The following AR variants were observed in gnomAD, a reference collection of about 807,000 sequenced individuals.
The protein encoded by AR is dihydrotestosterone receptor.
AR carries 8 observed loss-of-function variants against 53.9 expected under a neutral mutation model. That is an observed-to-expected ratio of 0.15 (90% CI 0.09 to 0.27). AR has a LOEUF of 0.27. Among genes scored for constraint, AR ranks in the 10% least tolerant of loss-of-function variants. The pLI is 1.00. For synonymous variants in AR, 359 were observed against 316.4 expected (o/e 1.13, Z -1.43); for missense variants, 639 against 742.5 (o/e 0.86, Z 1.62).
At chrX:67,687,152 C>A (rs1459063455) in intron 3 of AR, among the ~76,000 whole-genome samples, 2 of 111,753 alleles carry the variant, frequency 1.8e-5, no homozygotes, top group East Asian at 5.7e-4. Flanking sequence ...CCAACCCTCT[C>A]CCCTCTCCTC....
Position 67,721,070 on chromosome X carries a change from T to A in AR, c.2319-763T>A, listed in dbSNP as rs777472334. On this transcript the variant is annotated intron_variant, in intron 5 of 7. Coordinates refer to ENST00000374690, the MANE Select transcript of AR (RefSeq NM_000044.6). ...CCCATATAATTTATAGGTGATAATGTGGTGATCTGTTCAGAAGTGACTATA... is the reference window on the plus strand; with the variant it reads ...CCCATATAATTTATAGGTGATAATGAGGTGATCTGTTCAGAAGTGACTATA... 3.6e-5 allele frequency among the ~76,000 whole-genome samples: 4 copies of A among 111,648 alleles called. No homozygotes were observed. The East Asian group carries it at 1.1e-3, about 32-fold the overall frequency.
At chrX:67,606,999 C>T (rs997144318) in intron 1 of AR, among the ~76,000 whole-genome samples, 2 of 111,410 alleles carry the variant, frequency 1.8e-5, no homozygotes, top group Non-Finnish European at 3.8e-5. Flanking sequence ...AAATAGAACA[C>T]ATGGTTTTGT....
intron 1 of AR, among the ~76,000 whole-genome samples, chrX:67,561,802 G>A (rs1301488401): frequency 3.6e-5 from 4 of 111,016 alleles, no homozygotes; most frequent in Non-Finnish European, 7.5e-5. Flanking sequence ...ACATGGAGCA[G>A]TGAACATAAC....
At chrX:67,567,352 G>A (rs1921595946) in intron 1 of AR, among the ~76,000 whole-genome samples, 1 of 111,391 alleles carries the variant, frequency 9.0e-6, no homozygotes, top group Non-Finnish European at 1.9e-5. Flanking sequence ...TACTTCCTTA[G>A]CTTCATAAAC....
intron 1 of AR, among the ~76,000 whole-genome samples, chrX:67,572,951 G>T (rs1274516424): frequency 8.9e-6 from 1 of 111,755 alleles, no homozygotes; most frequent in South Asian, 3.7e-4. Flanking sequence ...CACAATAGCC[G>T]AATGACGTGG....
In AR at chrX:67,702,756, G is replaced by T. The variant is rs921359433; in HGVS notation, c.1886-8646G>T. On this transcript the variant is annotated intron_variant, in intron 3 of 7. Transcript: ENST00000374690. ...TTGGGTGACACCATGACTGGAGTTT[G>T]CATTGAAGGACTTCTTTTTCTAATT... Among the ~76,000 whole-genome samples, 6 of 112,262 alleles carry T rather than the reference G, an allele frequency of 5.3e-5. No homozygotes were observed. The Admixed American group carries it at 5.7e-4, about 11-fold the overall frequency.
intron 3 of AR, among the ~76,000 whole-genome samples, chrX:67,710,111 G>A (rs2076087796): frequency 9.1e-6 from 1 of 110,118 alleles, no homozygotes; most frequent in African/African-American, 3.3e-5. Context: ...TTTAGAGAGA[G>A]AGAGAGAGAC....
chrX:67,660,361 T>C (rs779105893), intron 2 of AR, among the ~76,000 whole-genome samples: 102 of 112,053 alleles, frequency 9.1e-4, no homozygotes, highest in African/African-American at 3.2e-3. Flanking sequence ...AACATGTAAG[T>C]CTTTAATCCA....
chrX:67,658,724 C>T (rs2147457382), intron 2 of AR, among the ~76,000 whole-genome samples: 1 of 111,983 alleles, frequency 8.9e-6, no homozygotes, highest in Admixed American at 9.5e-5. Flanking sequence ...ACGTCCTGTT[C>T]CAAGTCACCT....
chrX:67,695,617 C>T, intron 3 of AR: 1 of 753,577 alleles, frequency 1.3e-6, no homozygotes, highest in Non-Finnish European at 1.6e-6. Context: ...CATATTGACA[C>T]CAGTTTCTTT....
intron 1 of AR, among the ~76,000 whole-genome samples, chrX:67,573,401 G>A (rs1486975333): frequency 7.2e-5 from 8 of 111,107 alleles, no homozygotes; most frequent in Admixed American, 1.9e-4. Flanking sequence ...TGAAGTCTAG[G>A]CCAATCATCC....
At chrX:67,698,380 T>G (rs1320401135) in intron 3 of AR, among the ~76,000 whole-genome samples, 9 of 112,859 alleles carry the variant, frequency 8.0e-5, no homozygotes, top group Non-Finnish European at 1.1e-4. Flanking sequence ...GAATTCTGTT[T>G]GTCCAGCACA....
chrX:67,614,583 G>C (rs1317291433), intron 1 of AR, among the ~76,000 whole-genome samples: 2 of 110,973 alleles, frequency 1.8e-5, no homozygotes, highest in Admixed American at 1.9e-4. Context: ...CAAAAAACAA[G>C]AATGAGTCTC....
intron 6 of AR, 167 bp downstream of exon 6, chrX:67,722,130 C>T (rs1478673343): frequency 1.6e-6 from 1 of 628,006 alleles, no homozygotes; most frequent in Non-Finnish European, 2.4e-6. Flanking sequence ...ATTTTCCTAA[C>T]AAGAAACAAT....
chrX:67,710,788 C>T (rs1439896289), intron 3 of AR, among the ~76,000 whole-genome samples: 1 of 111,978 alleles, frequency 8.9e-6, no homozygotes, highest in East Asian at 2.8e-4. Flanking sequence ...TTGTTTATGC[C>T]CTTTCTGCCC....
intron 1 of AR, chrX:67,569,104 T>C: frequency 9.5e-7 from 1 of 1,055,245 alleles, no homozygotes; most frequent in Admixed American, 2.3e-5. Context: ...GACCTAATAT[T>C]ACGCAGCCAT....
At chrX:67,677,477 G>C (rs192248939) in intron 2 of AR, among the ~76,000 whole-genome samples, 99 of 111,839 alleles carry the variant, frequency 8.9e-4, no homozygotes, top group Non-Finnish European at 1.4e-3. Context: ...TCAATTTATA[G>C]TGACCTATAA....
At chrX:67,623,050 T>C (rs955683454) in intron 1 of AR, among the ~76,000 whole-genome samples, 6 of 111,291 alleles carry the variant, frequency 5.4e-5, no homozygotes, top group African/African-American at 2.0e-4. Context: ...TGACCTGTCT[T>C]CTCTCTTTCT....
chrX:67,717,741 C>A, intron 5 of AR, 119 bp downstream of exon 5: 1 of 1,029,968 alleles, frequency 9.7e-7, no homozygotes, highest in South Asian at 2.1e-5. Flanking sequence ...GTTGTCGCAG[C>A]GGATGCCCCA....
Sources: allele counts gnomAD v4.1 joint callset (sites outside exome capture counted in the v4.1 genomes callset), GRCh38; gene constraint gnomAD v4.1.1; transcripts MANE v1.5; gene names NCBI Gene and HGNC (gene_info 2026-07-23, HGNC 2026-07-21).